The following GSE1 variants were observed in gnomAD, a reference collection of about 807,000 sequenced individuals.
The protein encoded by GSE1 is Gse1 coiled-coil protein, also known as genetic suppressor element 1.
In GSE1, 32 loss-of-function variants were observed where a neutral mutation model predicts 112.6. The observed-to-expected ratio is 0.28, with a 90% CI of 0.21 to 0.38. The LOEUF is 0.38. Ranked by LOEUF, GSE1 falls within the 10% of genes least tolerant of loss-of-function variation. The pLI is 1.00. For missense variants in GSE1, 2,348 were observed against 1,699.2 expected, an observed-to-expected ratio of 1.38 and a Z score of -6.71; for synonymous variants, 1,115 against 735.6, an observed-to-expected ratio of 1.52 and a Z score of -8.35.
chr16:85,545,493 G>A (rs1455748016), intron 2 of GSE1, among the ~76,000 whole-genome samples: 4 of 152,140 alleles, frequency 2.6e-5, no homozygotes, highest in Admixed American at 2.6e-4. Flanking sequence ...ACAGAGAGAT[G>A]AGAGAGTTGA....
At chr16:85,211,172 A>G (rs867440060) in intron 1 of GSE1, among the ~76,000 whole-genome samples, 4 of 151,658 alleles carry the variant, frequency 2.6e-5, no homozygotes, top group African/African-American at 9.7e-5. Context: ...TCCCGACACC[A>G]CCCCTCTGGG....
intron 1 of GSE1, among the ~76,000 whole-genome samples, chr16:85,606,142 A>G (rs2047694337): frequency 6.6e-6 from 1 of 152,208 alleles, no homozygotes; most frequent in South Asian, 2.1e-4. Context: ...CCTGCCAGGT[A>G]GACGGGGTTC....
At chr16:85,432,003 G>A (rs922980) in intron 2 of GSE1, among the ~76,000 whole-genome samples, 58,274 of 152,134 alleles carry the variant, frequency 0.38, 13,032 homozygotes, top group Non-Finnish European at 0.49. Context: ...AATCCTCGCC[G>A]CCTGGGCGAG....
intron 2 of GSE1, among the ~76,000 whole-genome samples, chr16:85,514,896 C>T (rs575255915): frequency 2.6e-5 from 4 of 152,092 alleles, no homozygotes; most frequent in Admixed American, 6.5e-5. Context: ...TGTGCATGCA[C>T]ATGTGCGTGT....
intron 14 of GSE1, among the ~76,000 whole-genome samples, chr16:85,668,895 G>C (rs1030894716): frequency 2.0e-5 from 3 of 152,226 alleles, no homozygotes; most frequent in African/African-American, 7.2e-5. Context: ...CTTTACTTTA[G>C]CCAAGCACTT....
At chr16:85,376,009 A>G (rs2047412414) in intron 2 of GSE1, among the ~76,000 whole-genome samples, 1 of 152,156 alleles carries the variant, frequency 6.6e-6, no homozygotes, top group Admixed American at 6.5e-5. Context: ...GAATTCCCAC[A>G]GGGAACCAGA....
At position 85,486,399 on chromosome 16, in the gene GSE1, G is replaced by A. The variant is rs187804990; in HGVS notation, c.2464+128756G>A. 8.3e-3 allele frequency among the ~76,000 whole-genome samples: 1,262 copies of A among 152,304 alleles called. 41 individuals carry two copies. Among genetic ancestry groups the A allele is most frequent in the Admixed American group, 0.06 (913 of 15,298 alleles). On this transcript the variant is annotated intron_variant, in intron 2 of 2. Transcript: ENST00000637419. ...GCAGGGACCCTCCCCTGTTCTCCCCGGCGTTGCCCAGGGCCGCCGTTACCT... is the reference window on the plus strand; with the variant it reads ...GCAGGGACCCTCCCCTGTTCTCCCCAGCGTTGCCCAGGGCCGCCGTTACCT...
At chr16:85,631,078 C>T (rs932467930) in intron 1 of GSE1, among the ~76,000 whole-genome samples, 4 of 152,204 alleles carry the variant, frequency 2.6e-5, no homozygotes, top group African/African-American at 9.7e-5. Context: ...TAGCGTCACC[C>T]TCCTGAGTGC....
At chr16:85,249,466 A>ACCCT (rs1354757527) in intron 1 of GSE1, among the ~76,000 whole-genome samples, 2 of 152,124 alleles carry the variant, frequency 1.3e-5, no homozygotes, top group African/African-American at 4.8e-5. Flanking sequence ...TCAGACTGGG[A>ACCCT]CCCTGAGTGG....
chr16:85,400,636 TGTTG>T (rs1357611800), intron 2 of GSE1, among the ~76,000 whole-genome samples: 1 of 151,680 alleles, frequency 6.6e-6, no homozygotes, highest in Non-Finnish European at 1.5e-5. Context: ...TGTGTCTGTG[TGTTG>T]TGTGTGTCTC....
chr16:85,646,448 A>G (rs1051418109), intron 2 of GSE1, among the ~76,000 whole-genome samples: 1 of 152,230 alleles, frequency 6.6e-6, no homozygotes, highest in Non-Finnish European at 1.5e-5. Context: ...GTGGGTGGAC[A>G]TGTGCCTGCT....
intron 2 of GSE1, among the ~76,000 whole-genome samples, chr16:85,518,544 T>C (rs1415745346): frequency 2.0e-5 from 3 of 152,086 alleles, no homozygotes; most frequent in Non-Finnish European, 4.4e-5. Context: ...CACATTCAGC[T>C]TCCGGCCCCA....
At chr16:85,181,070 C>T (rs186426717) in intron 1 of GSE1, among the ~76,000 whole-genome samples, 9 of 152,284 alleles carry the variant, frequency 5.9e-5, no homozygotes, top group South Asian at 2.1e-4. Context: ...AGCTTAGAGC[C>T]GGTGAATGCC....
chr16:85,457,695 C>T (rs916709223), intron 2 of GSE1, among the ~76,000 whole-genome samples: 1 of 152,186 alleles, frequency 6.6e-6, no homozygotes, highest in Non-Finnish European at 1.5e-5. Flanking sequence ...GGTGATTGCA[C>T]CCCCACCCTC....
Position 85,312,209 on chromosome 16 carries a change from G to T in GSE1, c.2284-45254G>T, listed in dbSNP as rs1051823567. The stretch of plus-strand genomic sequence containing the variant: ...TGGTCTCTCTGATCCTCTTGCGGGG[G>T]GGGGGGGGACACACTTACCCCCAAA... On this transcript the variant is annotated intron_variant, in intron 1 of 2. Coordinates refer to the GSE1 transcript ENST00000637419. Among the ~76,000 whole-genome samples the T allele has an allele frequency of 8.6e-5, 13 of 150,464 alleles. 1 individual carries two copies. The highest frequency in any genetic ancestry group is 5.8e-4 in the East Asian group (3 of 5,172).
At chr16:85,606,427 C>G (rs550389619), upstream of GSE1, among the ~76,000 whole-genome samples, 7 of 152,354 alleles carry the variant, frequency 4.6e-5, no homozygotes, top group African/African-American at 1.7e-4. Context: ...GAACGCGGAC[C>G]TGGTCAGGTG....
chr16:85,205,071 C>T (rs1226602985), intron 1 of GSE1, among the ~76,000 whole-genome samples: 1 of 152,014 alleles, frequency 6.6e-6, no homozygotes, highest in African/African-American at 2.4e-5. Flanking sequence ...TGGATCTCCC[C>T]GCAGCCCCTG....
At chr16:85,181,661 C>T (rs190641605) in intron 1 of GSE1, among the ~76,000 whole-genome samples, 106 of 152,344 alleles carry the variant, frequency 7.0e-4, no homozygotes, top group African/African-American at 2.5e-3. Context: ...GGAAGGTTTG[C>T]AGGCTAGGAG....
chr16:85,294,453 A>G (rs1050660204), intron 1 of GSE1, among the ~76,000 whole-genome samples: 4 of 152,080 alleles, frequency 2.6e-5, no homozygotes, highest in African/African-American at 7.2e-5. Context: ...TGTTCCGTCA[A>G]TGGAGGGAGG....
Sources: gnomAD v4.1 joint callset for allele counts (sites outside exome capture counted in the v4.1 genomes callset) on GRCh38, gnomAD v4.1.1 for gene constraint, MANE v1.5 for transcripts, NCBI Gene and HGNC (gene_info 2026-07-23, HGNC 2026-07-21) for gene names.